BTAF1: variants seen among roughly 807,000 people sequenced by gnomAD.
The protein encoded by BTAF1 is B-TFIID TATA-box binding protein associated factor 1, also known as TATA-binding protein-associated factor 172.
Under a neutral mutation model 227.1 loss-of-function variants are expected in BTAF1, and 38 were observed. The observed-to-expected ratio is 0.17, with a 90% CI of 0.13 to 0.22. BTAF1 has a LOEUF of 0.22. BTAF1 is among the 10% of genes least tolerant of loss of function. The pLI is 1.00. For synonymous variants in BTAF1, 742 were observed against 751.9 expected, an observed-to-expected ratio of 0.99 and a Z score of 0.21; for missense variants, 1,598 against 2,204.0, an observed-to-expected ratio of 0.73 and a Z score of 5.51.
chr10:91,925,962 T>G (rs1341012908), intron 1 of BTAF1, among the ~76,000 whole-genome samples: 2 of 152,212 alleles, frequency 1.3e-5, no homozygotes, highest in African/African-American at 4.8e-5. Context: ...TTTAAAAGCC[T>G]GTCATGTTTT....
intron 19 of BTAF1, among the ~76,000 whole-genome samples, chr10:91,988,151 A>T (rs144655728): frequency 0.014 from 2,174 of 152,270 alleles, 28 homozygotes; most frequent in Non-Finnish European, 0.016. Context: ...TCCCACAGCA[A>T]CTTGCACTTA....
intron 5 of BTAF1, among the ~76,000 whole-genome samples, chr10:91,952,469 G>A (rs1845836743): frequency 6.6e-6 from 1 of 152,162 alleles, no homozygotes; most frequent in East Asian, 1.9e-4. Context: ...AAGCGGTTCA[G>A]TACTCTTTTA....
chr10:92,005,890 G>A (rs1481110968), intron 25 of BTAF1, among the ~76,000 whole-genome samples: 1 of 141,376 alleles, frequency 7.1e-6, no homozygotes, highest in Admixed American at 7.1e-5. Flanking sequence ...TTTTTTCCTT[G>A]AAACAGGGTT....
intron 4 of BTAF1, among the ~76,000 whole-genome samples, chr10:91,945,210 A>G (rs1845282731): frequency 6.6e-6 from 1 of 152,094 alleles, no homozygotes; most frequent in Non-Finnish European, 1.5e-5. Flanking sequence ...TTCAAGGTTC[A>G]TCTATATGAC....
At chr10:91,953,685 G>A in intron 5 of BTAF1, 52 bp from the exon 6 acceptor site, 1 of 1,585,524 alleles carries the variant, frequency 6.3e-7, no homozygotes, top group Non-Finnish European at 8.6e-7. Flanking sequence ...GAGACTATAG[G>A]TACTTATTTT....
chr10:91,946,738 C>T (rs1433761906), intron 4 of BTAF1, among the ~76,000 whole-genome samples: 1 of 152,100 alleles, frequency 6.6e-6, no homozygotes, highest in African/African-American at 2.4e-5. Context: ...GCACGTTTTT[C>T]ATTGGGTTAT....
intron 19 of BTAF1, among the ~76,000 whole-genome samples, chr10:91,986,947 A>G (rs1157778330): frequency 6.6e-6 from 1 of 152,034 alleles, no homozygotes; most frequent in East Asian, 1.9e-4. Context: ...TACCTGCCAA[A>G]TATAGACATT....
intron 1 of BTAF1, among the ~76,000 whole-genome samples, chr10:91,924,307 A>AC (rs916260732): frequency 2.6e-4 from 39 of 151,870 alleles, no homozygotes; most frequent in Admixed American, 2.5e-3. Flanking sequence ...TTGTTAATAG[A>AC]CCCCTTGGCA....
At chr10:91,935,854 A>G in intron 2 of BTAF1, 74 bp downstream of exon 2, 1 of 1,283,230 alleles carries the variant, frequency 7.8e-7, no homozygotes, top group South Asian at 1.9e-5. Flanking sequence ...ACAAAAATAA[A>G]GGTAAACATC....
Position 91,933,807 on chromosome 10 carries a change from A to C in BTAF1, c.15-1850A>C, listed in dbSNP as rs567858309. On this transcript the variant is annotated intron_variant, in intron 1 of 37. Transcript: ENST00000265990. ...AGTTAAAGTGTTCTAGAGAGTGGAG[A>C]TCAAGCAGTTTATTTTCTCAGTAGA... 2.0e-5 allele frequency among the ~76,000 whole-genome samples: 3 copies of C among 152,310 alleles called. No homozygotes were observed. In the South Asian group the frequency reaches 6.2e-4, roughly 32 times the overall value.
rs1397906649 is a variant in BTAF1 at position 92,000,498 on chromosome 10, G to A, written c.3660+2747G>A. On this transcript the variant is annotated intron_variant, in intron 25 of 37. Transcript: ENST00000265990. Reference sequence around the variant, plus strand: ...ATAGAGCTCACATCCACTGTGAGGTGATAAAGGGTCTAAACTCTAATGCTT... The same window carrying A: ...ATAGAGCTCACATCCACTGTGAGGTAATAAAGGGTCTAAACTCTAATGCTT... 2.6e-5 allele frequency among the ~76,000 whole-genome samples: 4 copies of A among 152,212 alleles called. No homozygotes were observed. The East Asian group carries it at 7.7e-4, about 29-fold the overall frequency.
At chr10:91,990,399 A>AT (rs573191375) in intron 20 of BTAF1, among the ~76,000 whole-genome samples, 36 of 147,476 alleles carry the variant, frequency 2.4e-4, no homozygotes, top group Admixed American at 2.7e-4. Flanking sequence ...GCAGTGACCA[A>AT]TTTTTTTTTT....
At chr10:91,941,945 A>G (rs1296991178) in intron 3 of BTAF1, among the ~76,000 whole-genome samples, 3 of 152,248 alleles carry the variant, frequency 2.0e-5, no homozygotes, top group East Asian at 1.9e-4. Flanking sequence ...ATAAACCCAC[A>G]GTAGCTTTTC....
At chr10:92,023,352 G>A (rs1214511159) in intron 34 of BTAF1, among the ~76,000 whole-genome samples, 1 of 152,100 alleles carries the variant, frequency 6.6e-6, no homozygotes, top group Non-Finnish European at 1.5e-5. Context: ...TTGGTGTTTT[G>A]AGTAACTTCT....
At chr10:91,988,484 A>C (rs1352038988) in intron 19 of BTAF1, among the ~76,000 whole-genome samples, 6 of 152,254 alleles carry the variant, frequency 3.9e-5, no homozygotes, top group African/African-American at 1.4e-4. Flanking sequence ...GTTAAAAAAA[A>C]GACTGACTGA....
At position 91,947,704 on chromosome 10, in the gene BTAF1, A is replaced by T. The variant is rs944585052; in HGVS notation, c.401-3699A>T. Among the ~76,000 whole-genome samples, 25 of 135,216 alleles carry T rather than the reference A, an allele frequency of 1.8e-4. No homozygotes were observed. In the Admixed American group the frequency reaches 1.9e-3, roughly 10 times the overall value. The allele number at this position is 135,216 out of a possible 152,430, so 88.7% of individuals were successfully genotyped here. On this transcript the variant is annotated intron_variant, in intron 4 of 37. Transcript: ENST00000265990. ...TATTCTGAGTCTCTTGCATTTCCAT[A>T]TGAATTTTAGGACCAGTCTGTCAAT...
At chr10:92,008,781 AAAAT>A in intron 26 of BTAF1, 44 bp from the exon 27 acceptor site, 1 of 1,487,576 alleles carries the variant, frequency 6.7e-7, no homozygotes, top group African/African-American at 1.4e-5. Flanking sequence ...TTTATAAGAA[AAAAT>A]AAATTTATGA....
intron 1 of BTAF1, among the ~76,000 whole-genome samples, chr10:91,929,521 A>G (rs1844125887): frequency 1.3e-5 from 2 of 152,200 alleles, no homozygotes; most frequent in South Asian, 4.1e-4. Flanking sequence ...AATTTTGTTA[A>G]TTTTCTCTTT....
chr10:91,937,563 A>G (rs1021476325), intron 2 of BTAF1, among the ~76,000 whole-genome samples: 1 of 152,094 alleles, frequency 6.6e-6, no homozygotes, highest in Non-Finnish European at 1.5e-5. Flanking sequence ...ATTGTAATCT[A>G]TTGTGATCGA....
Sources: allele counts gnomAD v4.1 joint callset (sites outside exome capture counted in the v4.1 genomes callset), GRCh38; gene constraint gnomAD v4.1.1; transcripts MANE v1.5; gene names NCBI Gene and HGNC (gene_info 2026-07-23, HGNC 2026-07-21).